The following SLC9C2 variants were observed in gnomAD, a reference collection of about 807,000 sequenced individuals.
SLC9C2 encodes the protein sodium/hydrogen exchanger 11.
SLC9C2 carries 75 observed loss-of-function variants against 140.2 expected under a neutral mutation model. The observed-to-expected ratio is 0.53, with a 90% CI of 0.44 to 0.65. SLC9C2 has a LOEUF of 0.65. Among genes scored for constraint, SLC9C2 ranks in the 30% least tolerant of loss-of-function variants. The probability of loss-of-function intolerance (pLI) is 0.00; values close to 1 mark genes in which losing one functional copy is unlikely to be tolerated. For synonymous variants in SLC9C2, 375 were observed against 420.9 expected (o/e 0.89, Z 1.34); for missense variants, 1,074 against 1,331.8 (o/e 0.81, Z 3.01).
intron 7 of SLC9C2, among the ~76,000 whole-genome samples, chr1:173,580,633 G>T (rs537115694): frequency 6.6e-6 from 1 of 152,182 alleles, no homozygotes; most frequent in African/African-American, 2.4e-5. Context: ...GATTACAGGC[G>T]TGAGCCACTG....
chr1:173,505,196 A>G, intron 26 of SLC9C2, 51 bp downstream of exon 26: 2 of 1,425,556 alleles, frequency 1.4e-6, no homozygotes, highest in South Asian at 2.4e-5. Flanking sequence ...TTTTACATGT[A>G]TTGAAGTTCC....
intron 4 of SLC9C2, among the ~76,000 whole-genome samples, chr1:173,592,377 A>T (rs759849370): frequency 3.9e-5 from 6 of 152,142 alleles, no homozygotes; most frequent in East Asian, 3.9e-4. Flanking sequence ...TTTTAAAATA[A>T]TTTTTTTCTA....
In SLC9C2 at chr1:173,535,965, G is replaced by C; in HGVS notation, c.1656-16C>G. 6.8e-7 allele frequency: 1 copy of C among 1,479,294 alleles called. No individual in the cohort carries two copies. The highest frequency in any genetic ancestry group is 9.0e-7 in the Non-Finnish European group (1 of 1,106,620). 91.6% of individuals were successfully genotyped at this position (1,479,294 alleles called of 1,614,324 possible). A position where few individuals can be genotyped will look rare whatever the true frequency, so the allele number is the denominator to read the frequency against. On this transcript the variant is annotated splice_polypyrimidine_tract_variant and intron_variant, in intron 14 of 27. Transcript: ENST00000367714. ...ACTCATGAATCTAACAGAGAAAAAT[G>C]TACATATGTGTTATAATAAAAAGCA...
chr1:173,521,855 T>C (rs1408691563), intron 21 of SLC9C2, among the ~76,000 whole-genome samples: 9 of 113,498 alleles, frequency 7.9e-5, no homozygotes, highest in African/African-American at 2.7e-4. Flanking sequence ...GGGATAATTA[T>C]GACAAAGAAG....
rs866084692 is a variant in SLC9C2 at position 173,533,673 on chromosome 1, G to A, written c.2099C>T (p.Ala700Val). ...CATTATTACTGTAAGCTGTATAAGA[G>A]CCAAGTTGTCTGGTCTCAATTTCAC... is the stretch of plus-strand genomic sequence containing the variant. Reference protein sequence around the residue: ...YFVKLRPDNLALIQLTVIMGY... With the variant: ...YFVKLRPDNLVLIQLTVIMGY... The change falls in exon 17 of 28, where the codon GCT (alanine) becomes GTT (valine). Residue 700 changes from alanine (A) to valine (V), a missense_variant. Transcript: ENST00000367714. 6.2e-7 allele frequency: 1 copy of A among 1,611,708 alleles called. No homozygotes were observed. The highest frequency in any genetic ancestry group is 1.1e-5 in the South Asian group (1 of 90,980).
intron 4 of SLC9C2, among the ~76,000 whole-genome samples, chr1:173,588,500 C>A (rs1012475095): frequency 3.9e-5 from 6 of 152,014 alleles, no homozygotes; most frequent in Admixed American, 3.9e-4. Flanking sequence ...CCATTAGGTC[C>A]TTTTATTTCT....
At chr1:173,590,107 G>A (rs1310013545) in intron 4 of SLC9C2, among the ~76,000 whole-genome samples, 1 of 152,056 alleles carries the variant, frequency 6.6e-6, no homozygotes. Flanking sequence ...GCCAGGTGTG[G>A]TGGCGGATGC....
At chr1:173,564,667 T>C (rs1366317411) in intron 9 of SLC9C2, among the ~76,000 whole-genome samples, 4 of 148,240 alleles carry the variant, frequency 2.7e-5, no homozygotes, top group Admixed American at 2.7e-4. Context: ...AGATGGAGCC[T>C]TGCTCTGTCA....
Position 173,500,958 on chromosome 1 carries a change from G to C in SLC9C2, c.*136C>G. 1 of 1,031,728 alleles carries C rather than the reference G, an allele frequency of 9.7e-7. No individual in the cohort carries two copies. The highest frequency in any genetic ancestry group is 3.2e-5 in the East Asian group (1 of 31,052). The allele number at this position is 1,031,728 out of a possible 1,614,324, so 63.9% of individuals were successfully genotyped here. A position where few individuals can be genotyped will look rare whatever the true frequency, so the allele number is the denominator to read the frequency against. On this transcript the variant is annotated 3_prime_UTR_variant, in exon 28 of 28. Coordinates refer to ENST00000367714, the MANE Select transcript of SLC9C2 (RefSeq NM_178527.4). ...TATAAACTAAATGCAGCAGTAACCT[G>C]TTTCAGTAGCTTCTAAGTAAACTCC...
intron 5 of SLC9C2, 83 bp from the exon 6 acceptor site, chr1:173,583,705 G>T: frequency 1.3e-6 from 1 of 748,626 alleles, no homozygotes; most frequent in Non-Finnish European, 2.1e-6. Flanking sequence ...AGAAGAGAAA[G>T]AACAGAAAAA....
chr1:173,522,623 ATAC>A (rs1261532443), intron 21 of SLC9C2, among the ~76,000 whole-genome samples: 1 of 152,224 alleles, frequency 6.6e-6, no homozygotes, highest in African/African-American at 2.4e-5. Flanking sequence ...ATTCATTGTG[ATAC>A]TAACACAGTC....
intron 3 of SLC9C2, among the ~76,000 whole-genome samples, chr1:173,598,785 G>T (rs755988580): frequency 6.6e-6 from 1 of 152,202 alleles, no homozygotes; most frequent in Non-Finnish European, 1.5e-5. Flanking sequence ...ACTTAAAAGA[G>T]AGCCTGGCAC....
intron 9 of SLC9C2, among the ~76,000 whole-genome samples, chr1:173,570,871 TTC>T (rs746028158): frequency 6.6e-6 from 1 of 151,802 alleles, no homozygotes; most frequent in South Asian, 2.1e-4. Context: ...AGTGCACAGA[TTC>T]TCTCTCTGCA....
At chr1:173,546,973 T>C (rs971633008) in intron 13 of SLC9C2, among the ~76,000 whole-genome samples, 2 of 152,296 alleles carry the variant, frequency 1.3e-5, no homozygotes, top group Non-Finnish European at 2.9e-5. Context: ...CACATGTGGA[T>C]GGTTTTTAAG....
chr1:173,551,425 T>C (rs1318933812), intron 11 of SLC9C2, among the ~76,000 whole-genome samples: 1 of 151,998 alleles, frequency 6.6e-6, no homozygotes, highest in African/African-American at 2.4e-5. Context: ...TGCTTTACCT[T>C]ATTGTGCTTT....
chr1:173,529,862 C>T (rs755829340), intron 18 of SLC9C2, 43 bp downstream of exon 18: 7 of 1,577,542 alleles, frequency 4.4e-6, no homozygotes, highest in Non-Finnish European at 6.0e-6. Context: ...GTTAATACAC[C>T]TAAGGGGTTT....
At chr1:173,538,367 C>T (rs1052815786) in intron 13 of SLC9C2, among the ~76,000 whole-genome samples, 1 of 152,104 alleles carries the variant, frequency 6.6e-6, no homozygotes, top group African/African-American at 2.4e-5. Flanking sequence ...AAGAAGTAGG[C>T]CTGGATCAAG....
chr1:173,542,538 C>A (rs972993045), intron 13 of SLC9C2, among the ~76,000 whole-genome samples: 1 of 152,106 alleles, frequency 6.6e-6, no homozygotes, highest in African/African-American at 2.4e-5. Flanking sequence ...ATACCAAAGC[C>A]TGGCAGAGAC....
At chr1:173,541,820 A>C (rs1196669601) in intron 13 of SLC9C2, among the ~76,000 whole-genome samples, 1 of 152,242 alleles carries the variant, frequency 6.6e-6, no homozygotes, top group Non-Finnish European at 1.5e-5. Context: ...ATGAGAACAA[A>C]GACACAACAT....
Sources: gnomAD v4.1 joint callset for allele counts (sites outside exome capture counted in the v4.1 genomes callset) on GRCh38, gnomAD v4.1.1 for gene constraint, MANE v1.5 for transcripts, NCBI Gene and HGNC (gene_info 2026-07-23, HGNC 2026-07-21) for gene names.